The following ADAMTS13 variants were observed in gnomAD, a reference collection of about 807,000 sequenced individuals.
The protein encoded by ADAMTS13 is A disintegrin and metalloproteinase with thrombospondin motifs 13.
Under a neutral mutation model 155.1 loss-of-function variants are expected in ADAMTS13, and 110 were observed. The observed-to-expected ratio is 0.71, with a 90% CI of 0.61 to 0.83. The LOEUF is 0.83. Ranked by LOEUF, ADAMTS13 falls within the 40% of genes least tolerant of loss-of-function variation. The pLI is 0.00. For missense variants in ADAMTS13, 1,707 were observed against 1,891.7 expected (o/e 0.90, Z 1.81); for synonymous variants, 758 against 756.4 (o/e 1.00, Z -0.03).
chr9:133,428,740 T>C lies in ADAMTS13; in HGVS notation c.793T>C (p.Cys265Arg). 7.4e-7 allele frequency: 1 copy of C among 1,358,446 alleles called. No homozygotes were observed. The highest frequency in any genetic ancestry group is 9.5e-7 in the Non-Finnish European group (1 of 1,052,146). The allele number at this position is 1,358,446 out of a possible 1,614,324, so 84.1% of individuals were successfully genotyped here. ...APRAGLAWSPCSRRQLLSLLS... is the reference protein window; with the variant it reads ...APRAGLAWSPRSRRQLLSLLS... ...CCGCGCCGGCCTCGCCTGGTCCCCC[T>C]GCAGCCGCCGGCAGCTGCTGAGCCT... Residue 265 changes from cysteine to arginine, a missense_variant, in exon 7 of 29, where the codon TGC (cysteine) becomes CGC (arginine). Physicochemically the swap from Cys to Arg is radical, Grantham distance 180. This residue lies in a region of ADAMTS13 where 733 missense variants were observed against 749.6 expected (regional missense o/e 0.98). Coordinates refer to ENST00000355699, the MANE Select transcript of ADAMTS13 (RefSeq NM_139027.6).
chr9:133,454,315 A>G (rs1042205761), intron 23 of ADAMTS13, 100 bp from the exon 24 acceptor site: 1 of 1,409,068 alleles, frequency 7.1e-7, no homozygotes, highest in African/African-American at 1.4e-5. Context: ...GAAGCTGTCT[A>G]GGCAACTGTC....
upstream of ADAMTS13, among the ~76,000 whole-genome samples, chr9:133,419,626 G>A (rs953937619): frequency 6.6e-6 from 1 of 152,148 alleles, no homozygotes; most frequent in Admixed American, 6.5e-5. Flanking sequence ...GAGAATCCAG[G>A]GGGAGAATAA....
intron 8 of ADAMTS13, among the ~76,000 whole-genome samples, chr9:133,431,432 T>C (rs782019604): frequency 6.4e-4 from 96 of 149,780 alleles, no homozygotes; most frequent in African/African-American, 2.3e-3. Context: ...GTTCAAGTGA[T>C]TCCCGGGCCT....
rs956787184 is a variant in ADAMTS13, at chr9:133,456,146, GC to G, written c.3480del (p.Ile1161LeufsTer9). On this transcript the variant is annotated frameshift_variant, in exon 26 of 29. Transcript: ENST00000355699. LOFTEE classifies it high-confidence loss of function. The surrounding 1 kb of genome is among the most constrained non-coding windows in gnomAD (Gnocchi z 4.4). ...RGPGQADCAVAIGRPLGEVVT... is the reference protein window; with the variant it reads ...RGPGQADCAVXIGRPLGEVVT... ...CCCAGGGCAGGCAGACTGTGCAGTG[GC>G]CATTGGGCGGCCCCTCGGGGAGGTG... is the stretch of plus-strand genomic sequence containing the variant. The G allele has an allele frequency of 5.6e-6, 9 of 1,613,492 alleles. No homozygotes were observed. The highest frequency in any genetic ancestry group is 7.6e-6 in the Non-Finnish European group (9 of 1,180,038).
At chr9:133,431,452 G>A (rs1215226406) in intron 8 of ADAMTS13, among the ~76,000 whole-genome samples, 10 of 150,852 alleles carry the variant, frequency 6.6e-5, no homozygotes, top group South Asian at 6.3e-4. Flanking sequence ...TACGCCTCCC[G>A]AGTAGCTGGG....
intron 1 of ADAMTS13, chr9:133,414,815 C>T (rs6597630): frequency 0.084 from 135,112 of 1,614,050 alleles, 6,548 homozygotes; most frequent in African/African-American, 0.19. Context: ...TACTGGCGCC[C>T]TCCTGTCCAT....
chr9:133,417,826 G>A (rs1839761627), upstream of ADAMTS13: 1 of 1,602,200 alleles, frequency 6.2e-7, no homozygotes, highest in Non-Finnish European at 8.5e-7. Flanking sequence ...TTGGAGGCGG[G>A]GACCTTCGCC....
In ADAMTS13 at chr9:133,441,504, C is replaced by T. The variant is rs587765986; in HGVS notation, c.1969-895C>T. Among the ~76,000 whole-genome samples the T allele has an allele frequency of 2.7e-3, 411 of 152,312 alleles. No homozygotes were observed. The highest frequency in any genetic ancestry group is 0.01 in the Middle Eastern group (3 of 294). Reference sequence around the variant, plus strand: ...TCCCTGTGTTGGGCCTGAGAAACCGCACCGTAACCAACACAGGCTTGCGGC... The same window carrying T: ...TCCCTGTGTTGGGCCTGAGAAACCGTACCGTAACCAACACAGGCTTGCGGC... On this transcript the variant is annotated intron_variant, in intron 16 of 28. Coordinates refer to ENST00000355699, the MANE Select transcript of ADAMTS13 (RefSeq NM_139027.6). This position sits in a 1 kb window ranked among gnomAD's most constrained non-coding sequence, Gnocchi z 5.0.
upstream of ADAMTS13, among the ~76,000 whole-genome samples, chr9:133,420,931 G>C (rs955987330): frequency 1.3e-5 from 2 of 152,228 alleles, no homozygotes; most frequent in Non-Finnish European, 2.9e-5. Flanking sequence ...TATGGCAGGA[G>C]GACAGTGTGG....
chr9:133,442,361 G>C, intron 16 of ADAMTS13, 38 bp from the exon 17 acceptor site: 1 of 1,613,696 alleles, frequency 6.2e-7, no homozygotes, highest in Non-Finnish European at 8.5e-7. Context: ...GACCCTCAGG[G>C]AACCCACTGG....
chr9:133,430,415 A>G (rs1188522767), intron 8 of ADAMTS13, among the ~76,000 whole-genome samples: 1 of 152,212 alleles, frequency 6.6e-6, no homozygotes, highest in East Asian at 1.9e-4. Context: ...TTCCCCATCT[A>G]TTGTGGCTGG....
intron 7 of ADAMTS13, 180 bp from the exon 8 acceptor site, chr9:133,429,759 T>A: frequency 2.4e-6 from 2 of 843,740 alleles, no homozygotes; most frequent in Non-Finnish European, 3.9e-6. Flanking sequence ...GGCAGGAGCC[T>A]TAGTCTTGGT....
At chr9:133,434,149 A>G (rs1269895736) in intron 11 of ADAMTS13, among the ~76,000 whole-genome samples, 3 of 151,976 alleles carry the variant, frequency 2.0e-5, no homozygotes, top group South Asian at 4.2e-4. Flanking sequence ...ACCCCAGTTC[A>G]TAAACCAGGC....
upstream of ADAMTS13, among the ~76,000 whole-genome samples, chr9:133,419,800 G>A (rs587629936): frequency 3.9e-5 from 6 of 152,196 alleles, no homozygotes; most frequent in South Asian, 1.2e-3. Flanking sequence ...GTGCAGTGGC[G>A]TGATATCGGC....
In ADAMTS13 at chr9:133,442,442, C is replaced by T. The variant is rs281875295; in HGVS notation, c.2012C>T (p.Pro671Leu). Residue 671 changes from proline to leucine, a missense_variant, in exon 17 of 29, where the codon CCA (proline) becomes CTA (leucine). Transcript: ENST00000355699. ...GAGGAGTATGGCAACCTCACCCGCC[C>T]AGACATCACCTTCACCTACTTCCAG... ...YGEEYGNLTR[P>L]DITFTYFQPK... 1 of 1,613,912 alleles carries T rather than the reference C, an allele frequency of 6.2e-7. No individual in the cohort carries two copies. Among genetic ancestry groups the T allele is most frequent in the Non-Finnish European group, 8.5e-7 (1 of 1,180,046 alleles).
rs201166759 is a variant in ADAMTS13 at position 133,459,093 on chromosome 9, C to T, written c.4029C>T (p.Ala1343=). 4.3e-6 allele frequency: 7 copies of T among 1,612,888 alleles called. No homozygotes were observed. In the East Asian group the frequency reaches 1.6e-4, roughly 36 times the overall value. ...GCGAGGGCTTCCTGAAGGCTCAGGCCAGCCTGCGGGGCCAGTACTGGACCC... is the reference window on the plus strand; with the variant it reads ...GCGAGGGCTTCCTGAAGGCTCAGGCTAGCCTGCGGGGCCAGTACTGGACCC... The part of the protein sequence containing the change: ...EFSEGFLKAQ[A]SLRGQYWTLQ... The change falls in exon 29 of 29, where the codon GCC becomes GCT. Residue 1343 remains alanine (A), a synonymous_variant. Coordinates refer to ENST00000355699, the MANE Select transcript of ADAMTS13 (RefSeq NM_139027.6).
At chr9:133,450,055 T>G in intron 23 of ADAMTS13, 90 bp downstream of exon 23, 2 of 1,467,728 alleles carry the variant, frequency 1.4e-6, no homozygotes, top group Non-Finnish European at 1.8e-6. Flanking sequence ...CGCAGCTACT[T>G]GGAAAGCTGA....
chr9:133,443,469 C>T lies in ADAMTS13; in HGVS notation c.2328C>T (p.Leu776=). Residue 776 remains leucine (L), a synonymous_variant, in exon 19 of 29, where the codon CTC becomes CTT. Coordinates refer to ENST00000355699, the MANE Select transcript of ADAMTS13 (RefSeq NM_139027.6). ...GCTGCGTGGAGGCCCAGGGCAGCCT[C>T]CTGAAGACATTGCCCCCAGCCCGGT... ...PVRCVEAQGS[L]LKTLPPARCR... 6.9e-6 allele frequency: 11 copies of T among 1,592,048 alleles called. No individual in the cohort carries two copies. The highest frequency in any genetic ancestry group is 9.4e-6 in the Non-Finnish European group (11 of 1,174,832).
At chr9:133,414,442 C>G in exon 1 of ADAMTS13, 1 of 695,196 alleles carries the variant, frequency 1.4e-6, no homozygotes, top group Non-Finnish European at 2.6e-6. Context: ...GTACTGGCAC[C>G]CACTAAATGC....
Sources: allele counts gnomAD v4.1 joint callset (sites outside exome capture counted in the v4.1 genomes callset), GRCh38; gene constraint gnomAD v4.1.1; regional missense constraint gnomAD v4.1.1; non-coding constraint Gnocchi (gnomAD v3.1); transcripts MANE v1.5; gene names NCBI Gene and HGNC (gene_info 2026-07-23, HGNC 2026-07-21).